BTBD7: variants seen among roughly 807,000 people sequenced by gnomAD.
BTBD7 encodes the protein BTB/POZ domain-containing protein 7.
In BTBD7, 38 loss-of-function variants were observed where a neutral mutation model predicts 99.9. The observed-to-expected ratio is 0.38, with a 90% CI of 0.29 to 0.50. The LOEUF (loss-of-function observed/expected upper bound fraction) is 0.50, where lower values mean the gene tolerates loss of function less well. BTBD7 is among the 20% of genes least tolerant of loss of function. The pLI, the probability that BTBD7 is intolerant of heterozygous loss-of-function variation, is 0.93. For missense variants in BTBD7, 1,170 were observed against 1,394.6 expected (o/e 0.84, Z 2.57); for synonymous variants, 520 against 511.4 (o/e 1.02, Z -0.23).
chr14:93,258,610 A>C (rs2052455942), intron 5 of BTBD7, among the ~76,000 whole-genome samples: 1 of 151,954 alleles, frequency 6.6e-6, no homozygotes, highest in Non-Finnish European at 1.5e-5. Flanking sequence ...TTTAAGATGG[A>C]GTCTTGCTGT....
chr14:93,268,243 C>G (rs1369710237), intron 3 of BTBD7, among the ~76,000 whole-genome samples: 3 of 152,156 alleles, frequency 2.0e-5, no homozygotes, highest in Non-Finnish European at 2.9e-5. Context: ...TAAGAGCCTA[C>G]TTTGATACTG....
intron 1 of BTBD7, among the ~76,000 whole-genome samples, chr14:93,327,048 C>T (rs1301789901): frequency 6.6e-6 from 1 of 152,124 alleles, no homozygotes; most frequent in African/African-American, 2.4e-5. Context: ...GTATTCCCAG[C>T]TACTCGGGAG....
intron 3 of BTBD7, among the ~76,000 whole-genome samples, chr14:93,286,973 C>T (rs1405138553): frequency 6.8e-6 from 1 of 147,016 alleles, no homozygotes; most frequent in Non-Finnish European, 1.5e-5. Flanking sequence ...CATGGTGGCT[C>T]ATGCCTGTAA....
chr14:93,242,785 G>A lies in BTBD7; in HGVS notation c.2887C>T (p.Arg963Cys), dbSNP rs1014197908. Residue 963 changes from arginine (R) to cysteine (C), a missense_variant, in exon 11 of 11, where the codon CGC (arginine) becomes TGC (cysteine). By Grantham distance (180) the Arg-to-Cys change is radical (BLOSUM62 -3). Around this residue, in one of 4 missense-constraint regions of BTBD7, gnomAD observed 495 missense variants for 525.9 expected, o/e 0.94. Coordinates refer to ENST00000334746, the MANE Select transcript of BTBD7 (RefSeq NM_001002860.4). The part of the protein sequence containing the change: ...CRPSTPALSR[R>C]TPSPSQGGYF... ...CCACCTTGCGAAGGGGAAGGGGTGC[G>A]TCTGCTGAGAGCAGGAGTAGAAGGT... 28 of 1,614,076 alleles carry A rather than the reference G, an allele frequency of 1.7e-5. No individual in the cohort carries two copies. The highest frequency in any genetic ancestry group is 6.7e-5 in the East Asian group (3 of 44,898).
Position 93,242,180 on chromosome 14 carries a change from A to C in BTBD7, c.*93T>G, listed in dbSNP as rs2052238120. On this transcript the variant is annotated 3_prime_UTR_variant, in exon 11 of 11. Coordinates refer to ENST00000334746, the MANE Select transcript of BTBD7 (RefSeq NM_001002860.4). ...CAAAATCATGTGAAACCGAGTTATC[A>C]GCTGGCATTGATGAACTGGTCTGTA... 6 of 1,123,322 alleles carry C rather than the reference A, an allele frequency of 5.3e-6. No homozygotes were observed. The South Asian group carries it at 7.4e-5, about 14-fold the overall frequency. The allele number at this position is 1,123,322 out of a possible 1,614,324, so 69.6% of individuals were successfully genotyped here.
chr14:93,242,552 A>G lies in BTBD7; in HGVS notation c.3120T>C (p.Pro1040=). 1 of 1,614,234 alleles carries G rather than the reference A, an allele frequency of 6.2e-7. No homozygotes were observed. The highest frequency in any genetic ancestry group is 8.5e-7 in the Non-Finnish European group (1 of 1,180,050). Residue 1040 remains proline (P), a synonymous_variant, in exon 11 of 11, where the codon CCT becomes CCC. Transcript: ENST00000334746. ...VEQPPQRSDF[P]LAAPENASTG... ...TACTAGCATTTTCTGGGGCTGCCAA[A>G]GGAAAGTCTGACCGCTGGGGAGGTT...
At chr14:93,319,985 G>C (rs569769937) in intron 1 of BTBD7, among the ~76,000 whole-genome samples, 1 of 152,114 alleles carries the variant, frequency 6.6e-6, no homozygotes, top group Non-Finnish European at 1.5e-5. Context: ...AAAATGGAAC[G>C]GCCAGAGAGA....
intron 3 of BTBD7, among the ~76,000 whole-genome samples, chr14:93,267,269 G>A (rs988907215): frequency 6.6e-6 from 1 of 152,172 alleles, no homozygotes; most frequent in African/African-American, 2.4e-5. Context: ...AAAAAAATGG[G>A]CTTTAAAATC....
chr14:93,309,560 T>G (rs1017112141), intron 1 of BTBD7, among the ~76,000 whole-genome samples: 1 of 151,922 alleles, frequency 6.6e-6, no homozygotes, highest in African/African-American at 2.4e-5. Context: ...CCAACCTTTC[T>G]GAAGGAAGCT....
At chr14:93,253,555 A>C (rs2052391836) in intron 7 of BTBD7, 92 bp downstream of exon 7, 1 of 1,186,712 alleles carries the variant, frequency 8.4e-7, no homozygotes, top group Admixed American at 2.4e-5. Context: ...AATATAGGCT[A>C]TTTCCAAATA....
At chr14:93,292,407 A>G (rs2052869094) in intron 3 of BTBD7, among the ~76,000 whole-genome samples, 1 of 152,060 alleles carries the variant, frequency 6.6e-6, no homozygotes, top group African/African-American at 2.4e-5. Flanking sequence ...TCTATTTTTG[A>G]TAACATATTT....
intron 10 of BTBD7, among the ~76,000 whole-genome samples, chr14:93,244,830 A>G (rs1296659141): frequency 6.7e-6 from 1 of 149,676 alleles, no homozygotes; most frequent in African/African-American, 2.5e-5. Flanking sequence ...GTGACTGAGT[A>G]TGAAGACTTA....
At chr14:93,291,894 T>G (rs1474284753) in intron 3 of BTBD7, among the ~76,000 whole-genome samples, 1 of 152,052 alleles carries the variant, frequency 6.6e-6, no homozygotes, top group Non-Finnish European at 1.5e-5. Context: ...CATCTAAAAC[T>G]TAAAAAAACC....
intron 3 of BTBD7, among the ~76,000 whole-genome samples, chr14:93,280,647 A>G (rs1448234637): frequency 6.6e-6 from 1 of 152,194 alleles, no homozygotes; most frequent in East Asian, 1.9e-4. Context: ...GTCTTTTAAT[A>G]TATCAAGTAA....
At chr14:93,281,008 T>C (rs1422900582) in intron 3 of BTBD7, among the ~76,000 whole-genome samples, 1 of 151,958 alleles carries the variant, frequency 6.6e-6, no homozygotes, top group Non-Finnish European at 1.5e-5. Context: ...AATTTTTGTT[T>C]TGTTCTGTTT....
rs995050613 is a variant in BTBD7, at chr14:93,297,639, C to T, written c.-106-1482G>A. ...CTTCAAACTTAAAAACCAGTTAAGT[C>T]TAACAAATCTTACTTTTAAAGCTGA... On this transcript the variant is annotated intron_variant, in intron 1 of 10. Coordinates refer to ENST00000334746, the MANE Select transcript of BTBD7 (RefSeq NM_001002860.4). Among the ~76,000 whole-genome samples the T allele has an allele frequency of 8.0e-4, 122 of 152,284 alleles. 4 individuals are homozygous for T. The highest frequency in any genetic ancestry group is 7.9e-4 in the Non-Finnish European group (54 of 68,012).
chr14:93,317,300 C>T (rs1178161989), intron 1 of BTBD7, among the ~76,000 whole-genome samples: 2 of 151,946 alleles, frequency 1.3e-5, no homozygotes, highest in Non-Finnish European at 1.5e-5. Flanking sequence ...CCACTGCGCC[C>T]GGCCGGAATA....
chr14:93,255,057 C>T (rs972813974), intron 6 of BTBD7, among the ~76,000 whole-genome samples: 2 of 152,110 alleles, frequency 1.3e-5, no homozygotes, highest in Admixed American at 1.3e-4. Flanking sequence ...TAGTAAAATA[C>T]AGCATTATCT....
rs755398350 is a variant in BTBD7 at position 93,246,090 on chromosome 14, T to C, written c.2318A>G (p.His773Arg). 4 of 1,504,978 alleles carry C rather than the reference T, an allele frequency of 2.7e-6. No homozygotes were observed. Among genetic ancestry groups the C allele is most frequent in the South Asian group, 1.1e-5 (1 of 88,168 alleles). 93.2% of individuals were successfully genotyped at this position (1,504,978 alleles called of 1,614,324 possible). ...PPYHPPATPI[H>R]NQLKAGWKQR... Reference sequence around the variant, plus strand: ...CTTCCAGCCTGCTTTGAGTTGGTTATGGATTGGGGTAGCTGGGGGGTGGTA... The same window carrying C: ...CTTCCAGCCTGCTTTGAGTTGGTTACGGATTGGGGTAGCTGGGGGGTGGTA... Residue 773 changes from histidine to arginine, a missense_variant, in exon 10 of 11, where the codon CAT becomes CGT. Physicochemically the swap from His to Arg is conservative, Grantham distance 29. Transcript: ENST00000334746.
Sources: allele counts gnomAD v4.1 joint callset (sites outside exome capture counted in the v4.1 genomes callset), GRCh38; gene constraint gnomAD v4.1.1; regional missense constraint gnomAD v4.1.1; transcripts MANE v1.5; gene names NCBI Gene and HGNC (gene_info 2026-07-23, HGNC 2026-07-21).